Variants in RPH3A observed in about 807,000 individuals in gnomAD.
RPH3A encodes the protein rabphilin-3A.
RPH3A carries 48 observed loss-of-function variants against 102.2 expected under a neutral mutation model. The observed-to-expected ratio is 0.47, with a 90% CI of 0.37 to 0.60. RPH3A has a LOEUF of 0.60. RPH3A is among the 20% of genes least tolerant of loss of function. RPH3A has a pLI of 0.00. For missense variants in RPH3A, 781 were observed against 910.1 expected (o/e 0.86, Z 1.83); for synonymous variants, 310 against 324.3 (o/e 0.96, Z 0.47).
chr12:112,890,704 C>T (rs1486161943), intron 18 of RPH3A, 145 bp from the exon 19 acceptor site: 1 of 832,984 alleles, frequency 1.2e-6, no homozygotes, highest in East Asian at 2.7e-5. Flanking sequence ...TCTTTGGAGG[C>T]TAAGCCATCT....
intron 5 of RPH3A, among the ~76,000 whole-genome samples, chr12:112,864,246 A>T (rs563772112): frequency 6.6e-6 from 1 of 152,160 alleles, no homozygotes; most frequent in South Asian, 2.1e-4. Flanking sequence ...AGGTCAGGAG[A>T]TCAAGATAAT....
Position 112,869,930 on chromosome 12 carries a change from T to C in RPH3A, c.687T>C (p.Tyr229=). 6.2e-7 allele frequency: 1 copy of C among 1,614,138 alleles called. No homozygotes were observed. The highest frequency in any genetic ancestry group is 1.1e-5 in the South Asian group (1 of 91,064). Residue 229 remains tyrosine, a synonymous_variant, in exon 10 of 22, where the codon TAT becomes TAC. Coordinates refer to ENST00000389385, the MANE Select transcript of RPH3A (RefSeq NM_001143854.2). The part of the protein sequence containing the change: ...DPASAPGRGN[Y]GPPVRRASEA... Reference sequence around the variant, plus strand: ...CCTCTGCTCCCGGGCGAGGAAACTATGGGCCTCCCGTGCGCAGGGCCTCCG... The same window carrying C: ...CCTCTGCTCCCGGGCGAGGAAACTACGGGCCTCCCGTGCGCAGGGCCTCCG...
At chr12:112,832,694 T>A (rs2041989243) in intron 3 of RPH3A, among the ~76,000 whole-genome samples, 1 of 152,062 alleles carries the variant, frequency 6.6e-6, no homozygotes, top group African/African-American at 2.4e-5. Context: ...ATTAAAAAAA[T>A]TAGCTGGATG....
chr12:112,640,082 A>C (rs1459895475), intron 1 of RPH3A, among the ~76,000 whole-genome samples: 1 of 151,092 alleles, frequency 6.6e-6, no homozygotes, highest in Non-Finnish European at 1.5e-5. Context: ...TCACTTTGGG[A>C]GGCTGAGGCA....
chr12:112,705,879 C>G (rs2040424200), intron 1 of RPH3A, among the ~76,000 whole-genome samples: 1 of 152,166 alleles, frequency 6.6e-6, no homozygotes. Flanking sequence ...CATTCATCCA[C>G]CACTCCATTC....
chr12:112,591,918 T>C (rs186149684), intron 1 of RPH3A, among the ~76,000 whole-genome samples: 10 of 152,302 alleles, frequency 6.6e-5, no homozygotes, highest in Non-Finnish European at 1.0e-4. Context: ...CCGGGGTTGG[T>C]TCTAGGACCC....
At chr12:112,813,321 G>A (rs1380317444) in intron 2 of RPH3A, 2 of 152,218 alleles carry the variant, frequency 1.3e-5, no homozygotes, top group Non-Finnish European at 2.9e-5. Flanking sequence ...TGTGTTCACA[G>A]GGGCAAGAAG....
chr12:112,889,292 A>G (rs1317192909), intron 17 of RPH3A, among the ~76,000 whole-genome samples: 1 of 152,226 alleles, frequency 6.6e-6, no homozygotes, highest in Non-Finnish European at 1.5e-5. Flanking sequence ...CCAGTTGGCC[A>G]GGACAATGGC....
chr12:112,736,874 G>A (rs2136052106), intron 1 of RPH3A, among the ~76,000 whole-genome samples: 1 of 152,264 alleles, frequency 6.6e-6, no homozygotes, highest in Non-Finnish European at 1.5e-5. Context: ...AGTACTTCTG[G>A]CCGGGCACAG....
intron 2 of RPH3A, among the ~76,000 whole-genome samples, chr12:112,819,052 G>C (rs1368601158): frequency 2.0e-5 from 3 of 151,686 alleles, no homozygotes; most frequent in Admixed American, 2.0e-4. Flanking sequence ...ATATATTTGA[G>C]ATATGTATAT....
intron 17 of RPH3A, 118 bp downstream of exon 17, chr12:112,888,041 A>C: frequency 8.6e-7 from 1 of 1,166,408 alleles, no homozygotes; most frequent in Non-Finnish European, 1.2e-6. Flanking sequence ...GAGGCACTGC[A>C]GCAGGTCTGC....
At chr12:112,887,765 T>A (rs758309660) in intron 16 of RPH3A, 32 bp from the exon 17 acceptor site, 67 of 1,607,618 alleles carry the variant, frequency 4.2e-5, no homozygotes, top group Non-Finnish European at 5.4e-5. Flanking sequence ...TTTGTTCCTG[T>A]TTCTCTCTCT....
chr12:112,768,087 T>C (rs2040903700), intron 1 of RPH3A, among the ~76,000 whole-genome samples: 1 of 152,190 alleles, frequency 6.6e-6, no homozygotes, highest in Admixed American at 6.5e-5. Flanking sequence ...AATTGTACAC[T>C]CTAAAATGAT....
chr12:112,892,023 G>A (rs2043105364), intron 19 of RPH3A, among the ~76,000 whole-genome samples: 1 of 152,166 alleles, frequency 6.6e-6, no homozygotes. Context: ...CTCCAAGGTG[G>A]GCTTAAGGCT....
intron 1 of RPH3A, among the ~76,000 whole-genome samples, chr12:112,668,365 C>T (rs952052562): frequency 6.6e-6 from 1 of 152,098 alleles, no homozygotes; most frequent in Non-Finnish European, 1.5e-5. Flanking sequence ...AGCAACCTTC[C>T]AATTTTTCTC....
intron 2 of RPH3A, among the ~76,000 whole-genome samples, chr12:112,818,531 G>C (rs959590424): frequency 6.6e-6 from 1 of 152,108 alleles, no homozygotes; most frequent in Non-Finnish European, 1.5e-5. Flanking sequence ...TGTTCTATCA[G>C]TTTAGCAGCC....
At chr12:112,805,427 G>A (rs893690590) in intron 2 of RPH3A, among the ~76,000 whole-genome samples, 2 of 152,144 alleles carry the variant, frequency 1.3e-5, no homozygotes, top group Non-Finnish European at 2.9e-5. Flanking sequence ...TGAGTGATTC[G>A]GGAATGATTC....
In RPH3A at chr12:112,868,514, C is replaced by T. The variant is rs137855588; in HGVS notation, c.529C>T (p.Pro177Ser). The part of the protein sequence containing the change: ...PQPMPIKKTK[P>S]QQPVSEPAAP... The stretch of plus-strand genomic sequence containing the variant: ...GCCTATGCCTATAAAGAAGACCAAG[C>T]CCCAGCAGCCTGTCAGTGAGCCTGC... The change falls in exon 8 of 22, where the codon CCC becomes TCC. Residue 177 changes from proline to serine, a missense_variant. Pro to Ser is a moderately conservative substitution (Grantham distance 74). Coordinates refer to ENST00000389385, the MANE Select transcript of RPH3A (RefSeq NM_001143854.2). 1.9e-6 allele frequency: 3 copies of T among 1,614,052 alleles called. No individual in the cohort carries two copies. The highest frequency in any genetic ancestry group is 2.5e-6 in the Non-Finnish European group (3 of 1,180,026).
chr12:112,707,477 A>G (rs766421654), intron 1 of RPH3A, among the ~76,000 whole-genome samples: 22 of 152,212 alleles, frequency 1.4e-4, no homozygotes, highest in Non-Finnish European at 2.6e-4. Flanking sequence ...AGATCACCCA[A>G]TAGGTGGCAG....
Sources: gnomAD v4.1 joint callset for allele counts (sites outside exome capture counted in the v4.1 genomes callset) on GRCh38, gnomAD v4.1.1 for gene constraint, MANE v1.5 for transcripts, NCBI Gene and HGNC (gene_info 2026-07-23, HGNC 2026-07-21) for gene names.